The following SYT16 variants were observed in gnomAD, a reference collection of about 807,000 sequenced individuals.
SYT16 encodes synaptotagmin 16.
In SYT16, 42 loss-of-function variants were observed where a neutral mutation model predicts 61.4. That is an observed-to-expected ratio of 0.68 (90% confidence interval 0.53 to 0.89). SYT16 has a LOEUF of 0.89. Ranked by LOEUF, SYT16 falls within the 40% of genes least tolerant of loss-of-function variation. SYT16 has a pLI of 0.00. For missense variants in SYT16, 804 were observed against 807.3 expected, an observed-to-expected ratio of 1.00 and a Z score of 0.05; for synonymous variants, 314 against 302.3, an observed-to-expected ratio of 1.04 and a Z score of -0.40.
intron 3 of SYT16, among the ~76,000 whole-genome samples, chr14:62,026,556 A>G (rs551863968): frequency 3.9e-5 from 6 of 152,298 alleles, no homozygotes; most frequent in Admixed American, 3.9e-4. Context: ...ATCACCTCTT[A>G]AAGTCCCCAC....
chr14:61,901,437 A>G (rs2048510683), intron 1 of SYT16, among the ~76,000 whole-genome samples: 1 of 152,188 alleles, frequency 6.6e-6, no homozygotes, highest in Non-Finnish European at 1.5e-5. Flanking sequence ...CAACTTGTCT[A>G]AGCTCAAACA....
At chr14:61,979,808 G>C (rs1214845442) in intron 2 of SYT16, among the ~76,000 whole-genome samples, 1 of 152,158 alleles carries the variant, frequency 6.6e-6, no homozygotes, top group African/African-American at 2.4e-5. Flanking sequence ...CTTGAACCCG[G>C]GAGGGAGAGG....
At chr14:61,838,446 C>T (rs2046199954) in intron 1 of SYT16, among the ~76,000 whole-genome samples, 1 of 152,162 alleles carries the variant, frequency 6.6e-6, no homozygotes, top group Admixed American at 6.5e-5. Context: ...CTGACGACCA[C>T]CCTGAGAGAG....
chr14:61,943,915 T>C (rs2050314783), intron 1 of SYT16, among the ~76,000 whole-genome samples: 1 of 152,174 alleles, frequency 6.6e-6, no homozygotes, highest in African/African-American at 2.4e-5. Flanking sequence ...ATAAAGGGTA[T>C]TCAAATAGGA....
chr14:62,011,211 G>T (rs937972949), intron 3 of SYT16, among the ~76,000 whole-genome samples: 13 of 152,116 alleles, frequency 8.5e-5, no homozygotes, highest in African/African-American at 3.1e-4. Flanking sequence ...GTTTCATGGG[G>T]AGTTCTATCC....
intron 3 of SYT16, among the ~76,000 whole-genome samples, chr14:62,010,698 T>C (rs1053741274): frequency 2.0e-5 from 3 of 152,148 alleles, no homozygotes; most frequent in African/African-American, 7.2e-5. Flanking sequence ...TGAGAACTTT[T>C]ATATTATTTC....
chr14:62,035,598 G>A (rs1161574822), intron 3 of SYT16, among the ~76,000 whole-genome samples: 2 of 152,158 alleles, frequency 1.3e-5, no homozygotes, highest in African/African-American at 4.8e-5. Context: ...TTTCACTGTT[G>A]TGCACAGAGC....
At chr14:61,964,094 A>G (rs1467542318) in intron 1 of SYT16, among the ~76,000 whole-genome samples, 31 of 152,160 alleles carry the variant, frequency 2.0e-4, no homozygotes, top group Non-Finnish European at 1.5e-5. Context: ...AAGGAGAAAA[A>G]TGTTGTTTAC....
At chr14:61,976,209 G>C (rs1004900522) in intron 2 of SYT16, among the ~76,000 whole-genome samples, 2 of 152,208 alleles carry the variant, frequency 1.3e-5, no homozygotes, top group African/African-American at 4.8e-5. Context: ...CTCCATTCCT[G>C]TGGCTCTGCA....
intron 3 of SYT16, among the ~76,000 whole-genome samples, chr14:62,041,989 C>G (rs2054750146): frequency 6.6e-6 from 1 of 152,140 alleles, no homozygotes; most frequent in African/African-American, 2.4e-5. Flanking sequence ...TTGAATCTTT[C>G]ATCTCTTTAC....
At chr14:61,877,725 G>A (rs991242027) in intron 1 of SYT16, among the ~76,000 whole-genome samples, 1 of 152,192 alleles carries the variant, frequency 6.6e-6, no homozygotes, top group Non-Finnish European at 1.5e-5. Context: ...GGAGCTGTGT[G>A]TACTCAGGGT....
chr14:62,018,881 A>G (rs1291844617), intron 3 of SYT16, among the ~76,000 whole-genome samples: 6 of 152,092 alleles, frequency 3.9e-5, no homozygotes, highest in Non-Finnish European at 1.5e-5. Context: ...GTTTGTTTCC[A>G]TGAGGGCAGG....
intron 3 of SYT16, among the ~76,000 whole-genome samples, chr14:62,058,709 C>G (rs566624179): frequency 1.3e-5 from 2 of 152,168 alleles, no homozygotes; most frequent in African/African-American, 4.8e-5. Context: ...GTAGTTTTAT[C>G]ATTTTACATT....
In SYT16 at chr14:62,095,585, CAG is replaced by C. The variant is rs1021122080; in HGVS notation, c.1625-4807_1625-4806del. 4.0e-5 allele frequency among the ~76,000 whole-genome samples: 6 copies of C among 151,726 alleles called. No individual in the cohort carries two copies. In the South Asian group the frequency reaches 1.0e-3, roughly 26 times the overall value. Reference sequence around the variant, plus strand: ...AACAGAACTTTATGAAAGACACAAACAGAAACTATATACACACACACACAAAC... The same window carrying C: ...AACAGAACTTTATGAAAGACACAAACAAACTATATACACACACACACAAAC... On this transcript the variant is annotated intron_variant, in intron 7 of 7. Coordinates refer to ENST00000683842, the MANE Select transcript of SYT16 (RefSeq NM_001367656.1).
intron 3 of SYT16, among the ~76,000 whole-genome samples, chr14:62,037,048 AAG>A (rs2054537404): frequency 6.6e-6 from 1 of 152,150 alleles, no homozygotes; most frequent in African/African-American, 2.4e-5. Flanking sequence ...AGGATGGCAA[AAG>A]AGGACTGAAA....
At chr14:61,913,285 C>T (rs889887849) in intron 1 of SYT16, among the ~76,000 whole-genome samples, 3 of 151,932 alleles carry the variant, frequency 2.0e-5, no homozygotes, top group Admixed American at 6.6e-5. Flanking sequence ...ATGCTGCACC[C>T]GATATTTGTG....
At chr14:61,949,998 T>C (rs2050606853) in intron 1 of SYT16, among the ~76,000 whole-genome samples, 1 of 152,210 alleles carries the variant, frequency 6.6e-6, no homozygotes, top group Non-Finnish European at 1.5e-5. Context: ...TTGTCTACTT[T>C]GCGAATTAAG....
rs2057591663 is a variant in SYT16 at position 62,110,648 on chromosome 14, A to G, written c.*9941A>G. The G allele has an allele frequency of 6.6e-6, 1 of 152,122 alleles. No homozygotes were observed. The highest frequency in any genetic ancestry group is 6.6e-5 in the Admixed American group (1 of 15,266). 9.4% of individuals were successfully genotyped at this position (152,122 alleles called of 1,614,324 possible). On this transcript the variant is annotated 3_prime_UTR_variant, in exon 8 of 8. Coordinates refer to ENST00000683842, the MANE Select transcript of SYT16 (RefSeq NM_001367656.1). ...CTGTTCTGTCTCTGAGGAGCTAGAAATAAAATATTAGGTTCTAATTTTTTT... is the reference window on the plus strand; with the variant it reads ...CTGTTCTGTCTCTGAGGAGCTAGAAGTAAAATATTAGGTTCTAATTTTTTT...
chr14:62,034,378 A>G (rs1438862573), intron 3 of SYT16, among the ~76,000 whole-genome samples: 1 of 152,194 alleles, frequency 6.6e-6, no homozygotes, highest in East Asian at 1.9e-4. Flanking sequence ...ATGAAAACAT[A>G]TGTTCAAACA....
Sources: gnomAD v4.1 joint callset for allele counts (sites outside exome capture counted in the v4.1 genomes callset) on GRCh38, gnomAD v4.1.1 for gene constraint, MANE v1.5 for transcripts, NCBI Gene and HGNC (gene_info 2026-07-23, HGNC 2026-07-21) for gene names.